Variants in MEMO1 observed in about 807,000 individuals in gnomAD.
The protein encoded by MEMO1 is protein MEMO1.
A neutral mutation model predicts 45.2 loss-of-function variants in MEMO1; 6 were observed. The ratio of observed to expected loss-of-function variants is 0.13; its 90% CI spans 0.07 to 0.26. MEMO1 has a LOEUF of 0.26. Among genes scored for constraint, MEMO1 ranks in the 10% least tolerant of loss-of-function variants. The pLI is 1.00. For synonymous variants in MEMO1, 78 were observed against 124.3 expected (o/e 0.63, Z 2.48); for missense variants, 184 against 370.5 (o/e 0.50, Z 4.13).
At chr2:31,982,677 G>GT (rs1350733035) in intron 2 of MEMO1, among the ~76,000 whole-genome samples, 7 of 150,898 alleles carry the variant, frequency 4.6e-5, no homozygotes, top group African/African-American at 7.3e-5. Context: ...ATTAGAAATT[G>GT]TAACGCTAAA....
At chr2:32,006,480 A>G (rs1674082713) in intron 2 of MEMO1, among the ~76,000 whole-genome samples, 1 of 151,826 alleles carries the variant, frequency 6.6e-6, no homozygotes, top group Non-Finnish European at 1.5e-5. Context: ...CAAAGAGTAA[A>G]TATTTCAGAC....
At position 31,951,539 on chromosome 2, in the gene MEMO1, T is replaced by C. The variant is rs866070428; in HGVS notation, c.62-8156A>G. The stretch of plus-strand genomic sequence containing the variant: ...ATGGTTTTTTTTTTTTTTTATCTTT[T>C]TATTTTTTATTGAGACGGACTCTCA... On this transcript the variant is annotated intron_variant, in intron 2 of 9. Coordinates refer to ENST00000404530, the MANE Select transcript of MEMO1 (RefSeq NM_001301833.4). Among the ~76,000 whole-genome samples the C allele has an allele frequency of 2.0e-5, 3 of 152,092 alleles. No individual in the cohort carries two copies. The Middle Eastern group carries it at 0.01, about 517-fold the overall frequency.
At chr2:31,907,769 A>T (rs138221663) in intron 6 of MEMO1, among the ~76,000 whole-genome samples, 27 of 148,180 alleles carry the variant, frequency 1.8e-4, no homozygotes, top group Admixed American at 9.0e-4. Flanking sequence ...CTCCAGCAGG[A>T]GCAAGACCGT....
intron 6 of MEMO1, among the ~76,000 whole-genome samples, chr2:31,905,176 G>T (rs546438950): frequency 6.6e-6 from 1 of 152,202 alleles, no homozygotes; most frequent in South Asian, 2.1e-4. Context: ...GGAGGCTGTG[G>T]TGAGCTGTAA....
At chr2:31,943,071 C>G (rs1665797362) in intron 3 of MEMO1, among the ~76,000 whole-genome samples, 1 of 152,080 alleles carries the variant, frequency 6.6e-6, no homozygotes, top group South Asian at 2.1e-4. Flanking sequence ...TTAAGACCAG[C>G]CTGGCCAACA....
At chr2:31,924,119 T>C (rs937454006) in intron 4 of MEMO1, among the ~76,000 whole-genome samples, 1 of 151,930 alleles carries the variant, frequency 6.6e-6, no homozygotes, top group Non-Finnish European at 1.5e-5. Context: ...TTAAAAGCAA[T>C]ATATCTAAAA....
rs1376106594 is a variant in MEMO1, at chr2:31,868,507, A to C, written c.763-15T>G. On this transcript the variant is annotated splice_polypyrimidine_tract_variant and intron_variant, in intron 9 of 9. Transcript: ENST00000404530. ...TCTGTGATAGCCTAGAAAAAAGAAA[A>C]ATTTGGTTAGGACACACATCACATA... The C allele has an allele frequency of 6.3e-7, 1 of 1,589,298 alleles. No homozygotes were observed. The highest frequency in any genetic ancestry group is 1.4e-5 in the African/African-American group (1 of 73,346).
intron 2 of MEMO1, among the ~76,000 whole-genome samples, chr2:32,003,166 C>T (rs1008073242): frequency 1.3e-5 from 2 of 152,006 alleles, no homozygotes; most frequent in Non-Finnish European, 2.9e-5. Flanking sequence ...TACTCCTAAA[C>T]TTACAGTACA....
intron 2 of MEMO1, among the ~76,000 whole-genome samples, chr2:31,983,828 G>C (rs1572891296): frequency 6.6e-6 from 1 of 152,336 alleles, no homozygotes; most frequent in Middle Eastern, 3.4e-3. Flanking sequence ...GAAAATATAA[G>C]ATGAGCTTGA....
chr2:31,939,586 T>C (rs1024729330), intron 3 of MEMO1, among the ~76,000 whole-genome samples: 5 of 152,226 alleles, frequency 3.3e-5, no homozygotes, highest in Admixed American at 2.6e-4. Flanking sequence ...AAAGGTAGCA[T>C]ACCATAATAG....
At position 31,920,870 on chromosome 2, in the gene MEMO1, G is replaced by T; in HGVS notation, c.253C>A (p.Leu85Ile). 6.2e-7 allele frequency: 1 copy of T among 1,612,550 alleles called. No individual in the cohort carries two copies. Among genetic ancestry groups the T allele is most frequent in the Admixed American group, 1.7e-5 (1 of 59,928 alleles). ...ACACTGGAAAGTGCACATCGAGAGA[G>T]GGGCACATGATGAGAAGGCCCAAGG... ...FILGPSHHVP[L>I]SRCALSSVDI... Residue 85 changes from leucine (L) to isoleucine (I), a missense_variant, in exon 5 of 10, where the codon CTC becomes ATC. By Grantham distance (5) the Leu-to-Ile change is conservative. Coordinates refer to ENST00000404530, the MANE Select transcript of MEMO1 (RefSeq NM_001301833.4).
At chr2:31,871,539 T>C (rs556446037) in intron 8 of MEMO1, among the ~76,000 whole-genome samples, 67 of 151,136 alleles carry the variant, frequency 4.4e-4, no homozygotes, top group African/African-American at 1.6e-3. Flanking sequence ...ATCTGAAACA[T>C]AGACATATAC....
intron 3 of MEMO1, among the ~76,000 whole-genome samples, chr2:31,935,403 A>G (rs1664792036): frequency 6.6e-6 from 1 of 152,222 alleles, no homozygotes; most frequent in Non-Finnish European, 1.5e-5. Context: ...ATACATGATT[A>G]ATAATGGAAC....
At chr2:31,869,578 A>C (rs1294271501) in intron 9 of MEMO1, among the ~76,000 whole-genome samples, 1 of 152,104 alleles carries the variant, frequency 6.6e-6, no homozygotes, top group African/African-American at 2.4e-5. Context: ...ATTTATAAAG[A>C]GCATATTGGA....
At position 32,000,655 on chromosome 2, in the gene MEMO1, C is replaced by T. The variant is rs1057313280; in HGVS notation, c.61+9532G>A. Among the ~76,000 whole-genome samples, 97 of 152,160 alleles carry T rather than the reference C, an allele frequency of 6.4e-4. 2 individuals are homozygous for T. Among genetic ancestry groups the T allele is most frequent in the Admixed American group, 1.3e-4 (2 of 15,270 alleles). ...TGCAGGGATTACAAGCGTGAGCCAC[C>T]GCACCTGGCCGAAGTCTTCCCTTTC... On this transcript the variant is annotated intron_variant, in intron 2 of 9. Coordinates refer to ENST00000404530, the MANE Select transcript of MEMO1 (RefSeq NM_001301833.4).
At chr2:31,955,098 C>T (rs763706380) in intron 2 of MEMO1, among the ~76,000 whole-genome samples, 31 of 151,612 alleles carry the variant, frequency 2.0e-4, no homozygotes, top group Admixed American at 9.2e-4. Context: ...AAAAATTAGC[C>T]GGGTGTGGTG....
At chr2:31,889,060 T>C (rs1311910565) in intron 7 of MEMO1, among the ~76,000 whole-genome samples, 1 of 152,100 alleles carries the variant, frequency 6.6e-6, no homozygotes, top group Non-Finnish European at 1.5e-5. Flanking sequence ...AAGAAAAATC[T>C]TTCCAATTTA....
chr2:31,884,378 T>C (rs1675860006), intron 7 of MEMO1, among the ~76,000 whole-genome samples: 2 of 152,104 alleles, frequency 1.3e-5, no homozygotes, highest in Non-Finnish European at 2.9e-5. Context: ...ATGTTAAAGA[T>C]TGACCAAAAT....
chr2:31,976,356 T>C (rs925183450), intron 2 of MEMO1, among the ~76,000 whole-genome samples: 2 of 152,118 alleles, frequency 1.3e-5, no homozygotes, highest in Non-Finnish European at 2.9e-5. Flanking sequence ...GGAGGGCAGA[T>C]GACTTGAAGC....
Sources: gnomAD v4.1 joint callset for allele counts (sites outside exome capture counted in the v4.1 genomes callset) on GRCh38, gnomAD v4.1.1 for gene constraint, MANE v1.5 for transcripts, NCBI Gene and HGNC (gene_info 2026-07-23, HGNC 2026-07-21) for gene names.